Variants in METTL15 observed in about 807,000 individuals in gnomAD.
The protein encoded by METTL15 is 12S rRNA N(4)-cytidine methyltransferase METTL15.
In METTL15, 34 loss-of-function variants were observed where a neutral mutation model predicts 38.3. The ratio of observed to expected loss-of-function variants is 0.89; its 90% confidence interval spans 0.68 to 1.18. METTL15 has a LOEUF of 1.18. Among genes scored for constraint, METTL15 ranks in the 50% most tolerant of loss-of-function variants. The pLI, the probability that METTL15 is intolerant of heterozygous loss-of-function variation, is 0.00. For missense variants in METTL15, 438 were observed against 498.4 expected (o/e 0.88, Z 1.15); for synonymous variants, 162 against 170.9 (o/e 0.95, Z 0.41).
chr11:28,176,380 T>C (rs961889490), intron 3 of METTL15, among the ~76,000 whole-genome samples: 3 of 152,152 alleles, frequency 2.0e-5, no homozygotes, highest in African/African-American at 7.2e-5. Flanking sequence ...AATGCAGTCA[T>C]TAAAAGCCTG....
In METTL15 at chr11:28,388,762, T is replaced by C. The variant is rs373105248; in HGVS notation, c.*358+26726T>C. On this transcript the variant is annotated intron_variant and NMD_transcript_variant, in intron 5 of 7. Transcript: ENST00000532947. ...TTGTTACATATGTATACATATGCCA[T>C]GTTGGTGTGCTGCACCCATTAACTC... 2.1e-4 allele frequency among the ~76,000 whole-genome samples: 32 copies of C among 152,256 alleles called. No homozygotes were observed. The East Asian group carries it at 2.7e-3, about 13-fold the overall frequency.
At chr11:28,275,814 T>C (rs1280747646) in intron 4 of METTL15, among the ~76,000 whole-genome samples, 2 of 152,072 alleles carry the variant, frequency 1.3e-5, no homozygotes, top group Non-Finnish European at 2.9e-5. Flanking sequence ...ATAAACATAA[T>C]ACATCACATC....
chr11:28,476,402 ACT>A (rs1450184008), intron 6 of METTL15, among the ~76,000 whole-genome samples: 1 of 152,104 alleles, frequency 6.6e-6, no homozygotes, highest in East Asian at 1.9e-4. Context: ...AATAGTGGTG[ACT>A]CTAACAAGAC....
chr11:28,524,603 C>T (rs1838061), intron 6 of METTL15, among the ~76,000 whole-genome samples: 68,924 of 151,884 alleles, frequency 0.45, 16,167 homozygotes, highest in Admixed American at 0.54. Context: ...GTGAAGGGTT[C>T]AAGAAAGTGT....
intron 3 of METTL15, among the ~76,000 whole-genome samples, chr11:28,174,814 C>CA (rs66770075): frequency 0.54 from 49,265 of 90,874 alleles, 9,377 homozygotes; most frequent in Non-Finnish European, 0.58. Flanking sequence ...GATTCTGTCT[C>CA]AAAAAAAAAA....
chr11:28,221,511 C>G (rs967089175), intron 4 of METTL15, among the ~76,000 whole-genome samples: 3 of 152,004 alleles, frequency 2.0e-5, no homozygotes, highest in African/African-American at 7.3e-5. Flanking sequence ...TTTGTACTTC[C>G]TCCTTTAGCT....
rs1156537545 is a variant in METTL15, at chr11:28,169,213, AAT to A, written c.271-41846_271-41845del. Reference sequence around the variant, plus strand: ...GAGAGGGGAATAGATTTGACAGAGAAATATGAATTCTGTATTCAAAAAACTAG... The same window carrying A: ...GAGAGGGGAATAGATTTGACAGAGAAATGAATTCTGTATTCAAAAAACTAG... On this transcript the variant is annotated intron_variant, in intron 3 of 6. Coordinates refer to ENST00000407364, the MANE Select transcript of METTL15 (RefSeq NM_001113528.2). 2.0e-5 allele frequency among the ~76,000 whole-genome samples: 3 copies of A among 152,280 alleles called. No individual in the cohort carries two copies. In the East Asian group the frequency reaches 5.8e-4, roughly 29 times the overall value.
intron 3 of METTL15, among the ~76,000 whole-genome samples, chr11:28,137,680 A>C (rs1168740638): frequency 3.9e-5 from 6 of 152,218 alleles, no homozygotes; most frequent in Non-Finnish European, 7.3e-5. Flanking sequence ...CATAATTCAG[A>C]TCACATATTT....
chr11:28,244,724 G>A (rs1334479063), intron 4 of METTL15, among the ~76,000 whole-genome samples: 1 of 152,148 alleles, frequency 6.6e-6, no homozygotes, highest in African/African-American at 2.4e-5. Context: ...TTAATGAGAG[G>A]ATTATATGCA....
chr11:28,258,231 G>A (rs1368802092), intron 4 of METTL15, among the ~76,000 whole-genome samples: 1 of 152,110 alleles, frequency 6.6e-6, no homozygotes, highest in Non-Finnish European at 1.5e-5. Context: ...TCTAAACAAT[G>A]GGGTATCTCT....
At chr11:28,474,878 G>A (rs1851332525) in intron 6 of METTL15, among the ~76,000 whole-genome samples, 1 of 152,112 alleles carries the variant, frequency 6.6e-6, no homozygotes, top group African/African-American at 2.4e-5. Context: ...GGTGGTACTT[G>A]GTCATTGAAC....
At chr11:28,169,940 A>T (rs975064844) in intron 3 of METTL15, among the ~76,000 whole-genome samples, 1 of 152,066 alleles carries the variant, frequency 6.6e-6, no homozygotes, top group Non-Finnish European at 1.5e-5. Context: ...TTTACTAATG[A>T]TTTTCTTCTA....
chr11:28,181,285 T>C (rs1392660592), intron 3 of METTL15, among the ~76,000 whole-genome samples: 3 of 150,718 alleles, frequency 2.0e-5, no homozygotes, highest in Non-Finnish European at 4.4e-5. Flanking sequence ...TATTTTAAGT[T>C]CTGGGGTATA....
downstream of METTL15, among the ~76,000 whole-genome samples, chr11:28,334,855 T>G (rs1043556130): frequency 6.6e-6 from 1 of 152,204 alleles, no homozygotes; most frequent in Non-Finnish European, 1.5e-5. Context: ...TAATTTATAA[T>G]GCTTGTCACT....
chr11:28,402,583 C>T (rs542896540), intron 5 of METTL15, among the ~76,000 whole-genome samples: 19 of 152,094 alleles, frequency 1.2e-4, no homozygotes, highest in Non-Finnish European at 1.8e-4. Flanking sequence ...CTTCTGGACC[C>T]TTGCATCTGT....
At chr11:28,144,421 T>G (rs992104302) in intron 3 of METTL15, among the ~76,000 whole-genome samples, 1 of 152,166 alleles carries the variant, frequency 6.6e-6, no homozygotes, top group Non-Finnish European at 1.5e-5. Flanking sequence ...TTACTCATAC[T>G]CATGTTTCAC....
chr11:28,453,418 A>G (rs1851140033), intron 6 of METTL15, among the ~76,000 whole-genome samples: 1 of 152,220 alleles, frequency 6.6e-6, no homozygotes, highest in African/African-American at 2.4e-5. Flanking sequence ...TTAACCTTCT[A>G]TCAGTCTTTA....
At chr11:28,478,041 A>G (rs1014394042) in intron 6 of METTL15, among the ~76,000 whole-genome samples, 1 of 152,130 alleles carries the variant, frequency 6.6e-6, no homozygotes, top group Non-Finnish European at 1.5e-5. Context: ...TCCTTTATCT[A>G]TCTATTAGCA....
intron 5 of METTL15, among the ~76,000 whole-genome samples, chr11:28,364,014 T>C (rs969352859): frequency 2.0e-5 from 3 of 152,070 alleles, no homozygotes; most frequent in Non-Finnish European, 2.9e-5. Flanking sequence ...TACTTCTGGG[T>C]TCTCTATTCT....
Sources: gnomAD v4.1 joint callset for allele counts (sites outside exome capture counted in the v4.1 genomes callset) on GRCh38, gnomAD v4.1.1 for gene constraint, MANE v1.5 for transcripts, NCBI Gene and HGNC (gene_info 2026-07-23, HGNC 2026-07-21) for gene names.